The following MRPS25 variants were observed in gnomAD, a reference collection of about 807,000 sequenced individuals.
The protein encoded by MRPS25 is small ribosomal subunit protein mS25.
In MRPS25, 15 loss-of-function variants were observed where a neutral mutation model predicts 17.3. The observed-to-expected ratio is 0.87, with a 90% CI of 0.58 to 1.34. The LOEUF (loss-of-function observed/expected upper bound fraction) is 1.34, where lower values mean the gene tolerates loss of function less well. MRPS25 is among the 40% of genes most tolerant of loss of function. MRPS25 has a pLI of 0.00. For missense variants in MRPS25, 225 were observed against 218.6 expected, an observed-to-expected ratio of 1.03 and a Z score of -0.19; for synonymous variants, 94 against 83.3, an observed-to-expected ratio of 1.13 and a Z score of -0.70.
chr3:15,053,734 A>G, intron 2 of MRPS25: 1 of 479,952 alleles, frequency 2.1e-6, no homozygotes, highest in East Asian at 4.2e-5. Context: ...AATATTCTTA[A>G]GACGGCAATT....
At chr3:15,055,133 A>T (rs1188134794) in intron 2 of MRPS25, among the ~76,000 whole-genome samples, 4 of 152,196 alleles carry the variant, frequency 2.6e-5, no homozygotes, top group Admixed American at 6.5e-5. Context: ...GCCAGATCGC[A>T]AGAGAACTCA....
downstream of MRPS25, chr3:15,042,636 C>G (rs1031917990): frequency 5.2e-5 from 29 of 555,666 alleles, no homozygotes; most frequent in Non-Finnish European, 8.7e-5. Context: ...TCTGTACATA[C>G]ATTTTGTACT....
downstream of MRPS25, chr3:15,042,653 GT>G (rs911845238): frequency 1.7e-6 from 1 of 584,166 alleles, no homozygotes; most frequent in Non-Finnish European, 3.0e-6. Flanking sequence ...TACTCATTTG[GT>G]TTTTTCTCAT....
At chr3:15,059,654 C>T (rs2042722642) in intron 1 of MRPS25, among the ~76,000 whole-genome samples, 179 bp from the exon 2 acceptor site, 2 of 152,162 alleles carry the variant, frequency 1.3e-5, no homozygotes, top group Non-Finnish European at 2.9e-5. Context: ...GTGGGGACCC[C>T]TGGGCAGGCA....
chr3:15,057,544 T>C (rs1224375599), intron 2 of MRPS25, among the ~76,000 whole-genome samples: 1 of 152,158 alleles, frequency 6.6e-6, no homozygotes, highest in Non-Finnish European at 1.5e-5. Context: ...TACTGTGAGA[T>C]TCTAGTTACA....
intron 2 of MRPS25, 146 bp from the exon 3 acceptor site, chr3:15,053,613 CCCTT>C (rs1372457621): frequency 4.4e-6 from 4 of 905,874 alleles, no homozygotes; most frequent in Non-Finnish European, 7.0e-6. Context: ...TGTAATACTA[CCCTT>C]CCTTTTTCCA....
chr3:15,063,187 A>G (rs1006673430), intron 1 of MRPS25, among the ~76,000 whole-genome samples: 6 of 152,186 alleles, frequency 3.9e-5, no homozygotes, highest in African/African-American at 1.4e-4. Flanking sequence ...TAAGGTCAGA[A>G]GTTAAGTAAA....
intron 2 of MRPS25, among the ~76,000 whole-genome samples, chr3:15,055,681 G>A (rs2042661111): frequency 6.6e-6 from 1 of 152,112 alleles, no homozygotes; most frequent in South Asian, 2.1e-4. Flanking sequence ...ATTTAGGATA[G>A]AAAGCACCTG....
rs935486467 is a variant in MRPS25, at chr3:15,053,398, T to C, written c.311A>G (p.Lys104Arg). ...AACTCACTCATTCTTCCCCAAGATT[T>C]TTCTGATGTGCTCCATGATCTCCTT... ...SNKEIMEHIR[K>R]ILGKNEETLR... is the part of the protein sequence containing the mutation. Residue 104 changes from lysine to arginine, a missense_variant, in exon 3 of 4, where the codon AAA becomes AGA. Physicochemically the swap from Lys to Arg is conservative, Grantham distance 26. Transcript: ENST00000253686. 1 of 1,614,070 alleles carries C rather than the reference T, an allele frequency of 6.2e-7. No individual in the cohort carries two copies. Among genetic ancestry groups the C allele is most frequent in the Non-Finnish European group, 8.5e-7 (1 of 1,180,044 alleles).
At chr3:15,060,435 C>A (rs1202889028) in intron 1 of MRPS25, among the ~76,000 whole-genome samples, 2 of 150,422 alleles carry the variant, frequency 1.3e-5, no homozygotes, top group Non-Finnish European at 3.0e-5. Flanking sequence ...ATCGCTTAAG[C>A]CCGGGAGTTT....
chr3:15,050,404 C>A lies in MRPS25; in HGVS notation c.*2037G>T. 1 of 1,007,372 alleles carries A rather than the reference C, an allele frequency of 9.9e-7. No homozygotes were observed. Among genetic ancestry groups the A allele is most frequent in the Non-Finnish European group, 1.2e-6 (1 of 845,638 alleles). 62.4% of individuals were successfully genotyped at this position (1,007,372 alleles called of 1,614,324 possible). ...ACCACTCCTTTTGGTTCAGGACATT[C>A]CTGCTGGTTAGCAGCCTCTTTGGGC... On this transcript the variant is annotated 3_prime_UTR_variant, in exon 4 of 4. Coordinates refer to ENST00000253686, the MANE Select transcript of MRPS25 (RefSeq NM_022497.5).
intron 1 of MRPS25, 145 bp from the exon 2 acceptor site, chr3:15,059,620 C>G (rs934022818): frequency 1.6e-6 from 1 of 639,120 alleles, no homozygotes; most frequent in African/African-American, 1.8e-5. Flanking sequence ...CGCAGGGATC[C>G]TCTTAGAAGA....
intron 1 of MRPS25, among the ~76,000 whole-genome samples, chr3:15,064,146 C>T (rs1459375460): frequency 2.0e-5 from 3 of 152,148 alleles, no homozygotes; most frequent in Non-Finnish European, 4.4e-5. Context: ...CAACATACAC[C>T]CAAGTCCCAA....
At chr3:15,063,434 A>G (rs531082625) in intron 1 of MRPS25, among the ~76,000 whole-genome samples, 1 of 152,296 alleles carries the variant, frequency 6.6e-6, no homozygotes, top group South Asian at 2.1e-4. Flanking sequence ...CCAGTGGGGC[A>G]GCTGAAGGGC....
chr3:15,059,969 GA>G (rs1266398356), intron 1 of MRPS25, among the ~76,000 whole-genome samples: 88 of 123,666 alleles, frequency 7.1e-4, no homozygotes, highest in Middle Eastern at 4.3e-3. Flanking sequence ...TACTCCAGAG[GA>G]AAAAAAAAGG....
In MRPS25 at chr3:15,051,514, A is replaced by G. The variant is rs2125131399; in HGVS notation, c.*927T>C. 1 of 985,410 alleles carries G rather than the reference A, an allele frequency of 1.0e-6. No homozygotes were observed. The allele number at this position is 985,410 out of a possible 1,614,324, so 61.0% of individuals were successfully genotyped here. ...AACCTATTCTTAAGGTGACCCTAGAAGGCTCTGCTGTCTTCTGGAGGCTGA... is the reference window on the plus strand; with the variant it reads ...AACCTATTCTTAAGGTGACCCTAGAGGGCTCTGCTGTCTTCTGGAGGCTGA... On this transcript the variant is annotated 3_prime_UTR_variant, in exon 4 of 4. Coordinates refer to ENST00000253686, the MANE Select transcript of MRPS25 (RefSeq NM_022497.5).
intron 2 of MRPS25, among the ~76,000 whole-genome samples, chr3:15,059,003 T>A (rs974000798): frequency 6.7e-6 from 1 of 149,656 alleles, no homozygotes; most frequent in Non-Finnish European, 1.5e-5. Context: ...GTGGTGCCCA[T>A]ACTGAGCCCT....
chr3:15,060,271 G>A (rs1446736975), intron 1 of MRPS25, among the ~76,000 whole-genome samples: 1 of 152,062 alleles, frequency 6.6e-6, no homozygotes, highest in Admixed American at 6.5e-5. Flanking sequence ...CCAGCACTTT[G>A]GGAAGCCCAG....
chr3:15,060,144 G>T (rs568940934), intron 1 of MRPS25, among the ~76,000 whole-genome samples: 10 of 152,116 alleles, frequency 6.6e-5, no homozygotes, highest in Non-Finnish European at 1.5e-4. Flanking sequence ...GGTTTGGGGG[G>T]TGAGAAGTAA....
Sources: allele counts gnomAD v4.1 joint callset (sites outside exome capture counted in the v4.1 genomes callset), GRCh38; gene constraint gnomAD v4.1.1; transcripts MANE v1.5; gene names NCBI Gene and HGNC (gene_info 2026-07-23, HGNC 2026-07-21).